Variants in CDH23 observed in about 807,000 individuals in gnomAD.
CDH23 encodes cadherin related 23.
In CDH23, 189 loss-of-function variants were observed where a neutral mutation model predicts 317.1. The observed-to-expected ratio is 0.60, with a 90% CI of 0.53 to 0.67. The LOEUF (loss-of-function observed/expected upper bound fraction) is 0.67, where lower values mean the gene tolerates loss of function less well. Ranked by LOEUF, CDH23 falls within the 30% of genes least tolerant of loss-of-function variation. CDH23 has a pLI of 0.00. For missense variants in CDH23, 4,401 were observed against 4,592.4 expected (o/e 0.96, Z 1.20); for synonymous variants, 1,839 against 1,876.8 (o/e 0.98, Z 0.52).
intron 3 of CDH23, among the ~76,000 whole-genome samples, chr10:71,474,061 C>T (rs1458979644): frequency 6.6e-6 from 1 of 152,208 alleles, no homozygotes; most frequent in Non-Finnish European, 1.5e-5. Context: ...TGGCACTGCT[C>T]TCATGCCAGG....
intron 41 of CDH23, among the ~76,000 whole-genome samples, chr10:71,783,705 C>T (rs1290037012): frequency 6.6e-6 from 1 of 152,200 alleles, no homozygotes; most frequent in Admixed American, 6.5e-5. Context: ...ACCCACTCTG[C>T]TTTCCAACTA....
At chr10:71,475,793 C>G (rs1488585921) in intron 3 of CDH23, among the ~76,000 whole-genome samples, 2 of 152,230 alleles carry the variant, frequency 1.3e-5, no homozygotes, top group African/African-American at 4.8e-5. Context: ...GGGGCGGAGG[C>G]TGGAAGGCAG....
intron 13 of CDH23, 150 bp from the exon 14 acceptor site, chr10:71,646,309 G>T (rs761257512): frequency 3.2e-6 from 4 of 1,241,358 alleles, no homozygotes; most frequent in Non-Finnish European, 3.3e-6. Flanking sequence ...ATAACAGACG[G>T]GCTCGCAGTA....
chr10:71,639,561 G>A (rs1289686937), intron 11 of CDH23, among the ~76,000 whole-genome samples: 1 of 152,232 alleles, frequency 6.6e-6, no homozygotes, highest in Non-Finnish European at 1.5e-5. Context: ...GCATGGTTAA[G>A]AGCTCTGACT....
rs57981317 is a variant in CDH23, at chr10:71,609,995, TGA to T, written c.833-5502_833-5501del. 1.3e-3 allele frequency among the ~76,000 whole-genome samples: 184 copies of T among 140,916 alleles called. 1 individual carries two copies. The highest frequency in any genetic ancestry group is 3.2e-3 in the South Asian group (14 of 4,344). The allele number at this position is 140,916 out of a possible 152,430, so 92.4% of individuals were successfully genotyped here. On this transcript the variant is annotated intron_variant, in intron 9 of 69. Coordinates refer to ENST00000224721, the MANE Select transcript of CDH23 (RefSeq NM_022124.6). The stretch of plus-strand genomic sequence containing the variant: ...GTGTGTGTGTGTGTGTGTGTGTGTG[TGA>T]GAGAGACAGAGAGACGAGAGAGAGA...
intron 38 of CDH23, among the ~76,000 whole-genome samples, chr10:71,752,800 G>A (rs1379751673): frequency 6.6e-6 from 1 of 152,162 alleles, no homozygotes; most frequent in Admixed American, 6.5e-5. Flanking sequence ...CTGCTGAGTC[G>A]GGGTGGCAGG....
rs532369554 is a variant in CDH23, at chr10:71,815,018, C to T, written c.9805C>T (p.Arg3269Cys). The change falls in exon 70 of 70, where the codon CGC (arginine) becomes TGC (cysteine). Residue 3269 changes from arginine (R) to cysteine (C), a missense_variant. This residue lies in a region of CDH23 where 1,144 missense variants were observed against 1,138.2 expected (regional missense o/e 1.01). Transcript: ENST00000224721. ...HSPGQGSLRF[R>C]HKPPVELKGP... is the part of the protein sequence containing the mutation. ...CCCAGGGCAGGGTAGCCTGCGCTTC[C>T]GCCACAAGCCACCAGTGGAGCTCAA... The T allele has an allele frequency of 7.4e-6, 12 of 1,612,446 alleles. No individual in the cohort carries two copies. The highest frequency in any genetic ancestry group is 1.1e-5 in the South Asian group (1 of 90,982).
intron 17 of CDH23, among the ~76,000 whole-genome samples, chr10:71,681,774 A>G (rs1350263731): frequency 6.6e-6 from 1 of 152,232 alleles, no homozygotes; most frequent in Non-Finnish European, 1.5e-5. Context: ...TGCTTCTACA[A>G]AGAAATTTTT....
At chr10:71,661,486 C>G (rs1190860309) in intron 14 of CDH23, among the ~76,000 whole-genome samples, 1 of 152,110 alleles carries the variant, frequency 6.6e-6, no homozygotes, top group Non-Finnish European at 1.5e-5. Context: ...TTACTGTGCC[C>G]TCTCTACCTT....
At chr10:71,639,348 C>T (rs1347674619) in intron 11 of CDH23, among the ~76,000 whole-genome samples, 5 of 152,146 alleles carry the variant, frequency 3.3e-5, no homozygotes, top group Non-Finnish European at 7.4e-5. Context: ...CCCCCAGCCC[C>T]CTGTGGGACA....
At position 71,707,053 on chromosome 10, in the gene CDH23, C is replaced by A; in HGVS notation, c.3106+4C>A. 6.3e-7 allele frequency: 1 copy of A among 1,598,242 alleles called. No individual in the cohort carries two copies. Among genetic ancestry groups the A allele is most frequent in the East Asian group, 2.3e-5 (1 of 44,122 alleles). The stretch of plus-strand genomic sequence containing the variant: ...GAGCTCAGCTACTTCATCACAGGTG[C>A]TGCCCCGGCCTCCGCCCACCTGTGC... On this transcript the variant is annotated splice_donor_region_variant and intron_variant, in intron 26 of 69. Transcript: ENST00000224721.
In CDH23 at chr10:71,677,468, C is replaced by A. The variant is rs1864420816; in HGVS notation, c.1527C>A (p.Asp509Glu). The A allele has an allele frequency of 6.2e-7, 1 of 1,607,430 alleles. No individual in the cohort carries two copies. The highest frequency in any genetic ancestry group is 1.1e-5 in the South Asian group (1 of 89,554). The change falls in exon 16 of 70, where the codon GAC becomes GAA. Residue 509 changes from aspartate (D) to glutamate (E), a missense_variant. By Grantham distance (45) the Asp-to-Glu change is conservative. Coordinates refer to ENST00000224721, the MANE Select transcript of CDH23 (RefSeq NM_022124.6). The stretch of plus-strand genomic sequence containing the variant: ...CGGCCTGGCACAGGTTCTCGCTGGA[C>A]AAGGACACGGGACTCATCATGCTGA... ...FSDDPDRFSL[D>E]KDTGLIMLIA...
At chr10:71,713,544 G>A in intron 28 of CDH23, 1 of 496,328 alleles carries the variant, frequency 2.0e-6, no homozygotes, top group Non-Finnish European at 3.6e-6. Context: ...GGACCAGGAG[G>A]CGGGCAGGAA....
chr10:71,667,005 T>A (rs1286734210), intron 14 of CDH23, among the ~76,000 whole-genome samples: 1 of 152,272 alleles, frequency 6.6e-6, no homozygotes, highest in Non-Finnish European at 1.5e-5. Context: ...ACATTGCTAT[T>A]GTTTCCTGAA....
intron 46 of CDH23, 41 bp downstream of exon 46, chr10:71,790,454 G>A: frequency 6.2e-7 from 1 of 1,604,066 alleles, no homozygotes; most frequent in South Asian, 1.1e-5. Context: ...GCCTGATTCT[G>A]GGGTGGGGAT....
intron 6 of CDH23, chr10:71,512,216 G>A (rs1293093427): frequency 6.6e-6 from 1 of 152,228 alleles, no homozygotes; most frequent in African/African-American, 2.4e-5. Flanking sequence ...CCTCGAGGGT[G>A]ACGAGATCTT....
chr10:71,441,017 T>G (rs999872185), intron 2 of CDH23, among the ~76,000 whole-genome samples: 9 of 152,108 alleles, frequency 5.9e-5, no homozygotes, highest in African/African-American at 9.7e-5. Context: ...GGATCCCTAC[T>G]GGAATCCCCC....
intron 17 of CDH23, among the ~76,000 whole-genome samples, chr10:71,682,005 G>C (rs148989907): frequency 6.6e-6 from 1 of 152,090 alleles, no homozygotes; most frequent in African/African-American, 2.4e-5. Context: ...GCAGCTTCCA[G>C]ACTGACGGGG....
At chr10:71,569,294 T>C (rs1477996665) in intron 7 of CDH23, among the ~76,000 whole-genome samples, 3 of 152,068 alleles carry the variant, frequency 2.0e-5, no homozygotes, top group African/African-American at 7.2e-5. Context: ...AGCCCTCCCT[T>C]CTCCTAGGCA....
Sources: gnomAD v4.1 joint callset for allele counts (sites outside exome capture counted in the v4.1 genomes callset) on GRCh38, gnomAD v4.1.1 for gene constraint, gnomAD v4.1.1 regional missense constraint, MANE v1.5 for transcripts, NCBI Gene and HGNC (gene_info 2026-07-23, HGNC 2026-07-21) for gene names.